Variants in ANKRD6 observed in about 807,000 individuals in gnomAD.
The protein encoded by ANKRD6 is ankyrin repeat domain 6, also known as ankyrin repeat domain-containing protein 6.
A neutral mutation model predicts 82.3 loss-of-function variants in ANKRD6; 56 were observed. The ratio of observed to expected loss-of-function variants is 0.68; its 90% CI spans 0.55 to 0.85. ANKRD6 has a LOEUF of 0.85. ANKRD6 is among the 40% of genes least tolerant of loss of function. The pLI, the probability that ANKRD6 is intolerant of heterozygous loss-of-function variation, is 0.00. For missense variants in ANKRD6, 852 were observed against 907.6 expected (o/e 0.94, Z 0.79); for synonymous variants, 347 against 352.1 (o/e 0.99, Z 0.16).
chr6:89,506,045 G>A (rs1779805410), intron 1 of ANKRD6, among the ~76,000 whole-genome samples: 1 of 152,194 alleles, frequency 6.6e-6, no homozygotes. Context: ...TAGTTGCGGG[G>A]GCTGGGGGAG....
chr6:89,552,843 G>T (rs1786033757), intron 1 of ANKRD6, among the ~76,000 whole-genome samples: 1 of 152,166 alleles, frequency 6.6e-6, no homozygotes, highest in Admixed American at 6.5e-5. Context: ...GCATTCTATG[G>T]GTGGACTGCT....
At chr6:89,545,992 A>G (rs1352288543) in intron 1 of ANKRD6, among the ~76,000 whole-genome samples, 1 of 152,126 alleles carries the variant, frequency 6.6e-6, no homozygotes, top group Non-Finnish European at 1.5e-5. Flanking sequence ...TTTTTTTAGT[A>G]GAGACGGGGT....
Position 89,630,582 on chromosome 6 carries a change from C to T in ANKRD6, c.1762C>T (p.Leu588=). The change falls in exon 16 of 16, where the codon CTG becomes TTG. Residue 588 remains leucine (L), a synonymous_variant. Coordinates refer to ENST00000339746, the MANE Select transcript of ANKRD6 (RefSeq NM_001242809.2). The part of the protein sequence containing the change: ...LSSSDCTGSR[L]RNVKVQTALL... ...GTCTTCTGACTGTACAGGCTCCCGA[C>T]TGAGAAACGTCAAGGTCCAGACAGC... 2 of 1,613,934 alleles carry T rather than the reference C, an allele frequency of 1.2e-6. No individual in the cohort carries two copies. The highest frequency in any genetic ancestry group is 1.7e-6 in the Non-Finnish European group (2 of 1,179,828).
chr6:89,560,687 A>T (rs1235943432), intron 1 of ANKRD6, among the ~76,000 whole-genome samples: 1 of 152,164 alleles, frequency 6.6e-6, no homozygotes, highest in East Asian at 1.9e-4. Flanking sequence ...GCCGGGCATC[A>T]TGGTAGTCGT....
intron 1 of ANKRD6, among the ~76,000 whole-genome samples, chr6:89,509,435 A>G (rs750844170): frequency 1.6e-4 from 25 of 152,324 alleles, no homozygotes; most frequent in South Asian, 2.1e-4. Context: ...CTTAAAGATA[A>G]GAAAGAAACA....
chr6:89,523,217 ATTAGCATCT>A (rs1033121532), intron 1 of ANKRD6, among the ~76,000 whole-genome samples: 1 of 152,218 alleles, frequency 6.6e-6, no homozygotes, highest in African/African-American at 2.4e-5. Flanking sequence ...GTTAGACAAG[ATTAGCATCT>A]TCCCTTTTTT....
In ANKRD6 at chr6:89,605,985, CCCA is replaced by C. The variant is rs1346727420; in HGVS notation, c.319-19_319-17del. The C allele has an allele frequency of 6.5e-7, 1 of 1,539,528 alleles. No individual in the cohort carries two copies. The highest frequency in any genetic ancestry group is 8.8e-7 in the Non-Finnish European group (1 of 1,132,048). On this transcript the variant is annotated intron_variant, in intron 4 of 15. Coordinates refer to ENST00000339746, the MANE Select transcript of ANKRD6 (RefSeq NM_001242809.2). ...ATTAGGTCTTGGGTAATGTGCCTTTCCCACCTGTGTGTCTTCCTTAGGATGGGA... is the reference window on the plus strand; with the variant it reads ...ATTAGGTCTTGGGTAATGTGCCTTTCCCTGTGTGTCTTCCTTAGGATGGGA...
At chr6:89,449,646 A>G (rs1489346984) in intron 1 of ANKRD6, among the ~76,000 whole-genome samples, 1 of 152,194 alleles carries the variant, frequency 6.6e-6, no homozygotes, top group African/African-American at 2.4e-5. Flanking sequence ...CGGCATTTTC[A>G]CCAATGAACC....
At position 89,595,980 on chromosome 6, in the gene ANKRD6, T is replaced by C. The variant is rs1447861384; in HGVS notation, c.185T>C (p.Leu62Pro). 2 of 1,610,822 alleles carry C rather than the reference T, an allele frequency of 1.2e-6. No homozygotes were observed. The highest frequency in any genetic ancestry group is 2.7e-5 in the African/African-American group (2 of 74,916). The change falls in exon 3 of 16, where the codon CTG becomes CCG. Residue 62 changes from leucine (L) to proline (P), a missense_variant. Transcript: ENST00000339746. The part of the protein sequence containing the change: ...KGHLPVVQIL[L>P]KAGCDLDVQD... Reference sequence around the variant, plus strand: ...CATCTTCCTGTGGTCCAGATCTTGCTGAAGGCTGGCTGCGACCTTGATGTC... The same window carrying C: ...CATCTTCCTGTGGTCCAGATCTTGCCGAAGGCTGGCTGCGACCTTGATGTC...
chr6:89,436,102 A>C (rs1770607433), intron 1 of ANKRD6, among the ~76,000 whole-genome samples: 2 of 152,248 alleles, frequency 1.3e-5, no homozygotes, highest in African/African-American at 4.8e-5. Context: ...AGTTAGGTTC[A>C]AACAACTGAG....
At chr6:89,589,320 T>C (rs1248270801) in intron 2 of ANKRD6, among the ~76,000 whole-genome samples, 1 of 152,116 alleles carries the variant, frequency 6.6e-6, no homozygotes, top group African/African-American at 2.4e-5. Flanking sequence ...TAGGTTGTAG[T>C]TCTCAAATGG....
At chr6:89,629,524 G>C (rs1806867093) in intron 15 of ANKRD6, 1 of 411,768 alleles carries the variant, frequency 2.4e-6, no homozygotes, top group Non-Finnish European at 4.6e-6. Flanking sequence ...GTATCAGAGT[G>C]GACCCCAAAG....
chr6:89,626,650 A>C (rs1036675702), intron 13 of ANKRD6, among the ~76,000 whole-genome samples: 1 of 152,172 alleles, frequency 6.6e-6, no homozygotes, highest in African/African-American at 2.4e-5. Context: ...ACAGGAGGGG[A>C]GCTCACCAGT....
intron 1 of ANKRD6, among the ~76,000 whole-genome samples, chr6:89,465,812 G>A (rs1774780332): frequency 6.6e-6 from 1 of 152,098 alleles, no homozygotes; most frequent in Non-Finnish European, 1.5e-5. Context: ...GCAGTGAGAT[G>A]TGATAGTACC....
At chr6:89,474,707 G>A (rs930189210) in intron 1 of ANKRD6, among the ~76,000 whole-genome samples, 2 of 152,116 alleles carry the variant, frequency 1.3e-5, no homozygotes, top group Non-Finnish European at 2.9e-5. Context: ...GTGAGCCACC[G>A]CTCCCAGCCT....
intron 9 of ANKRD6, among the ~76,000 whole-genome samples, chr6:89,620,839 G>A (rs1673312021): frequency 6.6e-6 from 1 of 152,146 alleles, no homozygotes; most frequent in African/African-American, 2.4e-5. Flanking sequence ...CCCAAGATGG[G>A]CAGATCATGA....
chr6:89,616,476 C>A, intron 7 of ANKRD6, 83 bp from the exon 8 acceptor site: 1 of 1,308,102 alleles, frequency 7.6e-7, no homozygotes, highest in Non-Finnish European at 1.1e-6. Context: ...CTTTGAAGAG[C>A]CACACCTAGG....
rs140499645 is a variant in ANKRD6 at position 89,512,415 on chromosome 6, C to T, written c.-143-54419C>T. On this transcript the variant is annotated intron_variant, in intron 1 of 15. Coordinates refer to ENST00000339746, the MANE Select transcript of ANKRD6 (RefSeq NM_001242809.2). ...TCTATTCTCTCCACTCCCACATGAA[C>T]TACCATGGGGCAAATCTAAGCCACC... 6.6e-4 allele frequency among the ~76,000 whole-genome samples: 100 copies of T among 152,344 alleles called. No individual in the cohort carries two copies. The East Asian group carries it at 0.018, about 28-fold the overall frequency.
chr6:89,631,675 T>C lies in ANKRD6; in HGVS notation c.*671T>C, dbSNP rs999115444. Reference sequence around the variant, plus strand: ...CAGCTCTGGAAACAATGAGATCAAATGAGAAAGATTCAAATTGTTTGTTAT... The same window carrying C: ...CAGCTCTGGAAACAATGAGATCAAACGAGAAAGATTCAAATTGTTTGTTAT... On this transcript the variant is annotated 3_prime_UTR_variant, in exon 16 of 16. Transcript: ENST00000339746. 3.3e-5 allele frequency: 5 copies of C among 152,214 alleles called. No homozygotes were observed. The highest frequency in any genetic ancestry group is 1.2e-4 in the African/African-American group (5 of 41,462). The allele number at this position is 152,214 out of a possible 1,614,324, so 9.4% of individuals were successfully genotyped here. A position where few individuals can be genotyped will look rare whatever the true frequency, so the allele number is the denominator to read the frequency against.
Sources: allele counts gnomAD v4.1 joint callset (sites outside exome capture counted in the v4.1 genomes callset), GRCh38; gene constraint gnomAD v4.1.1; transcripts MANE v1.5; gene names NCBI Gene and HGNC (gene_info 2026-07-23, HGNC 2026-07-21).